The following ZNF577 variants were observed in gnomAD, a reference collection of about 807,000 sequenced individuals.
The protein encoded by ZNF577 is zinc finger protein 577.
A neutral mutation model predicts 13.9 loss-of-function variants in ZNF577; 14 were observed. The ratio of observed to expected loss-of-function variants is 1.00; its 90% CI spans 0.66 to 1.57. ZNF577 has a LOEUF of 1.57. ZNF577 is among the 40% of genes most tolerant of loss of function. The pLI is 0.00. For missense variants in ZNF577, 555 were observed against 579.2 expected (o/e 0.96, Z 0.43); for synonymous variants, 203 against 202.9 (o/e 1.00, Z 0.00).
chr19:51,816,080 A>AC lies in ZNF577; in HGVS notation c.*600-4407dup, dbSNP rs1161241649. Among the ~76,000 whole-genome samples the AC allele has an allele frequency of 2.3e-4, 34 of 149,738 alleles. 1 individual carries two copies. The highest frequency in any genetic ancestry group is 2.0e-3 in the Admixed American group (30 of 15,130). ...AGATCCTATTAAAAAAAAAAAAAAA[A>AC]CCCTTGAGAAATGAGATTAGATGAG... On this transcript the variant is annotated intron_variant and NMD_transcript_variant, in intron 9 of 10. Transcript: ENST00000638827.
In ZNF577 at chr19:51,887,620, C is replaced by T. The variant is rs751457603; in HGVS notation, c.-1018G>A. On this transcript the variant is annotated 5_prime_UTR_variant, in exon 1 of 6. Coordinates refer to ENST00000638348, the MANE Select transcript of ZNF577 (RefSeq NM_001370449.1). Reference sequence around the variant, plus strand: ...GCTTCCCCACCACGACGCCCTAGCGCTACTGTGCAACGAAGACCTCCCAAG... The same window carrying T: ...GCTTCCCCACCACGACGCCCTAGCGTTACTGTGCAACGAAGACCTCCCAAG... 1.3e-5 allele frequency: 2 copies of T among 152,290 alleles called. No individual in the cohort carries two copies. Among genetic ancestry groups the T allele is most frequent in the African/African-American group, 2.4e-5 (1 of 41,454 alleles). The allele number at this position is 152,290 out of a possible 1,614,324, so 9.4% of individuals were successfully genotyped here.
chr19:51,881,426 A>C lies in ZNF577; in HGVS notation c.-218-549T>G, dbSNP rs544315570. Among the ~76,000 whole-genome samples, 6 of 152,318 alleles carry C rather than the reference A, an allele frequency of 3.9e-5. No individual in the cohort carries two copies. In the South Asian group the frequency reaches 1.2e-3, roughly 32 times the overall value. On this transcript the variant is annotated intron_variant, in intron 1 of 5. Transcript: ENST00000638348. Reference sequence around the variant, plus strand: ...ATTGCACTGTCTTACTAATCATACAAACCATAAGCACTGTCTTACTAAACC... The same window carrying C: ...ATTGCACTGTCTTACTAATCATACACACCATAAGCACTGTCTTACTAAACC...
chr19:51,877,476 A>T, intron 4 of ZNF577, 99 bp from the exon 5 acceptor site: 3 of 961,584 alleles, frequency 3.1e-6, no homozygotes, highest in Non-Finnish European at 4.8e-6. Context: ...TTGCACTTTG[A>T]TAAAGCAAAA....
In ZNF577 at chr19:51,872,800, G is replaced by A. The variant is rs772250641; in HGVS notation, c.1190C>T (p.Ser397Phe). 2 of 1,614,170 alleles carry A rather than the reference G, an allele frequency of 1.2e-6. No individual in the cohort carries two copies. The highest frequency in any genetic ancestry group is 1.7e-5 in the Admixed American group (1 of 60,028). ...VEKPSSRSHT[S>F]LYMSELIQEQ... is the part of the protein sequence containing the mutation. Reference sequence around the variant, plus strand: ...TTGTATGAGTTCGCTCATGTATAAGGAGGTATGACTCCTTGAGGAAGGTTT... The same window carrying A: ...TTGTATGAGTTCGCTCATGTATAAGAAGGTATGACTCCTTGAGGAAGGTTT... The change falls in exon 6 of 6, where the codon TCC becomes TTC. Residue 397 changes from serine to phenylalanine, a missense_variant. By Grantham distance (155) the Ser-to-Phe change is radical (BLOSUM62 -2). Coordinates refer to ENST00000638348, the MANE Select transcript of ZNF577 (RefSeq NM_001370449.1).
intron 5 of ZNF577, among the ~76,000 whole-genome samples, chr19:51,853,648 A>G (rs1435815832): frequency 6.6e-6 from 1 of 152,202 alleles, no homozygotes; most frequent in Non-Finnish European, 1.5e-5. Flanking sequence ...TATGATCTTT[A>G]AAGATAATGA....
intron 6 of ZNF577, among the ~76,000 whole-genome samples, chr19:51,843,921 C>T (rs2084335136): frequency 6.6e-6 from 1 of 152,050 alleles, no homozygotes; most frequent in African/African-American, 2.4e-5. Flanking sequence ...TACCATTCTG[C>T]GTTCAAAGAA....
In ZNF577 at chr19:51,824,829, G is replaced by A. The variant is rs755878276; in HGVS notation, c.*600-13155C>T. ...AATGTGAGGTCGGGGATATTTTTGG[G>A]CTCTGTCTCTTTCTACCCTGCGTTA... On this transcript the variant is annotated intron_variant and NMD_transcript_variant, in intron 9 of 10. Coordinates refer to the ZNF577 transcript ENST00000638827. The surrounding 1 kb of genome is among the most constrained non-coding windows in gnomAD (Gnocchi z 4.7). The A allele has an allele frequency of 3.4e-5, 54 of 1,582,686 alleles. No homozygotes were observed. Among genetic ancestry groups the A allele is most frequent in the Admixed American group, 2.0e-4 (11 of 55,302 alleles).
downstream of ZNF577, among the ~76,000 whole-genome samples, chr19:51,865,845 G>A (rs28432250): frequency 0.027 from 4,153 of 152,050 alleles, 203 homozygotes; most frequent in African/African-American, 0.093. Flanking sequence ...GGCTGGGTGC[G>A]GTGGCTCACA....
At position 51,873,008 on chromosome 19, in the gene ZNF577, ATTCATAAGG is replaced by A; in HGVS notation, c.973_981del (p.Pro325_Glu327del). On this transcript the variant is annotated inframe_deletion, in exon 6 of 6. Coordinates refer to ENST00000638348, the MANE Select transcript of ZNF577 (RefSeq NM_001370449.1). ...CTAAAGGCTTTTTCACACTCACTAC[ATTCATAAGG>A]TTTCTCTCCCGTATGAATCCTCTGA... 1 of 1,614,222 alleles carries A rather than the reference ATTCATAAGG, an allele frequency of 6.2e-7. No individual in the cohort carries two copies. Among genetic ancestry groups the A allele is most frequent in the Non-Finnish European group, 8.5e-7 (1 of 1,180,046 alleles).
At chr19:51,829,662 C>G (rs1327244145) in intron 9 of ZNF577, among the ~76,000 whole-genome samples, 1 of 152,176 alleles carries the variant, frequency 6.6e-6, no homozygotes, top group African/African-American at 2.4e-5. Flanking sequence ...CAGCAATTCC[C>G]TCATAGTGAA....
At chr19:51,880,593 A>G in intron 2 of ZNF577, 86 bp downstream of exon 2, 2 of 596,730 alleles carry the variant, frequency 3.4e-6, no homozygotes, top group Non-Finnish European at 5.9e-6. Flanking sequence ...ATCAGCATAC[A>G]CTATCTCATT....
chr19:51,847,579 C>A (rs775468679), intron 5 of ZNF577, among the ~76,000 whole-genome samples: 19 of 152,176 alleles, frequency 1.2e-4, no homozygotes, highest in Non-Finnish European at 2.5e-4. Context: ...GCAGGGAGCA[C>A]GATGAGGAGA....
In ZNF577 at chr19:51,877,395, C is replaced by T. The variant is rs1247531202; in HGVS notation, c.188-18G>A. 1 of 1,605,746 alleles carries T rather than the reference C, an allele frequency of 6.2e-7. No homozygotes were observed. ...TCGATACCCTGTAAATGGGAGATCA[C>T]TGAACACTTGGCACGTGTGCTTGGG... On this transcript the variant is annotated intron_variant, in intron 4 of 5. Coordinates refer to ENST00000638348, the MANE Select transcript of ZNF577 (RefSeq NM_001370449.1).
intron 9 of ZNF577, chr19:51,825,815 T>A: frequency 6.0e-6 from 1 of 167,222 alleles, no homozygotes. Flanking sequence ...TCAGCCTATA[T>A]CCTGAGACTA....
rs757548831 is a variant in ZNF577 at position 51,824,646 on chromosome 19, A to G, written c.*600-12972T>C. On this transcript the variant is annotated intron_variant and NMD_transcript_variant, in intron 9 of 10. Coordinates refer to the ZNF577 transcript ENST00000638827. The surrounding 1 kb of genome is among the most constrained non-coding windows in gnomAD (Gnocchi z 4.7). The stretch of plus-strand genomic sequence containing the variant: ...CTTTTTTAACAGCTGCCTCAACCCA[A>G]TTCTCTACGTCTTTATGGGTCGTAA... 35 of 1,613,962 alleles carry G rather than the reference A, an allele frequency of 2.2e-5. No individual in the cohort carries two copies. In the South Asian group the frequency reaches 3.1e-4, roughly 14 times the overall value.
At chr19:51,812,591 C>T (rs993542286) in intron 9 of ZNF577, among the ~76,000 whole-genome samples, 12 of 152,198 alleles carry the variant, frequency 7.9e-5, no homozygotes, top group African/African-American at 2.9e-4. Flanking sequence ...TGAAGAAACA[C>T]AATACACCTT....
intron 2 of ZNF577, 70 bp from the exon 3 acceptor site, chr19:51,880,471 G>T: frequency 7.3e-7 from 1 of 1,365,482 alleles, no homozygotes; most frequent in Non-Finnish European, 1.0e-6. Flanking sequence ...ACTTAGCTAT[G>T]TTCCGACATT....
At chr19:51,816,948 C>G (rs1460618881) in intron 9 of ZNF577, among the ~76,000 whole-genome samples, 1 of 152,038 alleles carries the variant, frequency 6.6e-6, no homozygotes, top group Non-Finnish European at 1.5e-5. Context: ...TATTGTTTTC[C>G]TCTCATTTTT....
At chr19:51,839,336 G>GT (rs2084306553) in intron 9 of ZNF577, among the ~76,000 whole-genome samples, 1 of 152,156 alleles carries the variant, frequency 6.6e-6, no homozygotes, top group Non-Finnish European at 1.5e-5. Context: ...TGAGGCTGCA[G>GT]TAAGCTATGA....
Sources: allele counts gnomAD v4.1 joint callset (sites outside exome capture counted in the v4.1 genomes callset), GRCh38; gene constraint gnomAD v4.1.1; non-coding constraint Gnocchi (gnomAD v3.1); transcripts MANE v1.5; gene names NCBI Gene and HGNC (gene_info 2026-07-23, HGNC 2026-07-21).